Variants in OR51T1 observed in about 807,000 individuals in gnomAD.
The protein encoded by OR51T1 is olfactory receptor 51T1.
For missense variants in OR51T1, 439 were observed against 398.5 expected (o/e 1.10, Z -0.87); for synonymous variants, 188 against 152.6 (o/e 1.23, Z -1.71).
rs774525875 is a variant in OR51T1 at position 4,882,812 on chromosome 11, A to G, written c.913A>G (p.Met305Val). Reference sequence around the variant, plus strand: ...GAAGACCAAGACAATCCGCCAGGCTATGTTCCAGCTGCTCCAATCCAAGGG... The same window carrying G: ...GAAGACCAAGACAATCCGCCAGGCTGTGTTCCAGCTGCTCCAATCCAAGGG... ...SLKTKTIRQA[M>V]FQLLQSKGSW... Residue 305 changes from methionine to valine, a missense_variant, in exon 1 of 1, where the codon ATG becomes GTG. Met to Val is a conservative substitution (Grantham distance 21). Transcript: ENST00000322049. 10 of 1,613,676 alleles carry G rather than the reference A, an allele frequency of 6.2e-6. No homozygotes were observed. Among genetic ancestry groups the G allele is most frequent in the African/African-American group, 4.0e-5 (3 of 74,878 alleles).
rs765400845 is a variant in OR51T1, at chr11:4,882,145, T to G, written c.246T>G (p.Thr82=). 31 of 1,613,872 alleles carry G rather than the reference T, an allele frequency of 1.9e-5. No individual in the cohort carries two copies. The African/African-American group carries it at 4.1e-4, about 22-fold the overall frequency. The change falls in exon 1 of 1, where the codon ACT becomes ACG. Residue 82 remains threonine, a synonymous_variant. Transcript: ENST00000322049. The part of the protein sequence containing the change: ...DLCLTITTLP[T]VLGVLWFHAR... Reference sequence around the variant, plus strand: ...GTCTGACCATTACGACCCTTCCCACTGTGCTTGGTGTTCTCTGGTTTCATG... The same window carrying G: ...GTCTGACCATTACGACCCTTCCCACGGTGCTTGGTGTTCTCTGGTTTCATG...
Position 4,882,628 on chromosome 11 carries a change from T to C in OR51T1, c.729T>C (p.Cys243=). Residue 243 remains cysteine (C), a synonymous_variant, in exon 1 of 1, where the codon TGT becomes TGC. Coordinates refer to ENST00000322049, the MANE Select transcript of OR51T1 (RefSeq NM_001004759.3). The part of the protein sequence containing the change: ...RKKQQKALST[C]VCHICAVTIF... ...AGCAACAAAAAGCTCTCAGCACTTG[T>C]GTCTGTCACATCTGTGCAGTCACTA... is the stretch of plus-strand genomic sequence containing the variant. 1.9e-6 allele frequency: 3 copies of C among 1,613,962 alleles called. No homozygotes were observed. The highest frequency in any genetic ancestry group is 2.5e-6 in the Non-Finnish European group (3 of 1,179,948).
chr11:4,882,411 A>G lies in OR51T1; in HGVS notation c.512A>G (p.His171Arg). The G allele has an allele frequency of 6.2e-7, 1 of 1,613,782 alleles. No individual in the cohort carries two copies. The highest frequency in any genetic ancestry group is 2.2e-5 in the East Asian group (1 of 44,854). ...GTAGCCATAAACACTGTGTCTTTTC[A>G]TGGGGGTCACGAGCTTTCCCATCCA... ...LLVAINTVSF[H>R]GGHELSHPFC... The change falls in exon 1 of 1, where the codon CAT (histidine) becomes CGT (arginine). Residue 171 changes from histidine (H) to arginine (R), a missense_variant. Transcript: ENST00000322049.
chr11:4,882,859 G>A lies in OR51T1; in HGVS notation c.960G>A (p.Arg320=). The A allele has an allele frequency of 1.2e-6, 2 of 1,612,882 alleles. No homozygotes were observed. Among genetic ancestry groups the A allele is most frequent in the East Asian group, 2.2e-5 (1 of 44,812 alleles). ...AGGGTTCATGGGGTTTTAATGTGAGGGGTCTTAGGGGAAGATGGGATTGAA... is the reference window on the plus strand; with the variant it reads ...AGGGTTCATGGGGTTTTAATGTGAGAGGTCTTAGGGGAAGATGGGATTGAA... ...QSKGSWGFNV[R]GLRGRWD is the part of the protein sequence containing the mutation. Residue 320 remains arginine, a synonymous_variant, in exon 1 of 1, where the codon AGG becomes AGA. Transcript: ENST00000322049.
rs142859984 is a variant in OR51T1 at position 4,882,792 on chromosome 11, C to T, written c.893C>T (p.Thr298Ile). Residue 298 changes from threonine (T) to isoleucine (I), a missense_variant, in exon 1 of 1, where the codon ACC becomes ATC. Thr to Ile is a moderately conservative substitution (Grantham distance 89, BLOSUM62 -1). Coordinates refer to ENST00000322049, the MANE Select transcript of OR51T1 (RefSeq NM_001004759.3). Reference protein sequence around the residue: ...VLNPIIYSLKTKTIRQAMFQL... With the variant: ...VLNPIIYSLKIKTIRQAMFQL... ...AACCCTATCATTTACAGCTTGAAGA[C>T]CAAGACAATCCGCCAGGCTATGTTC... The T allele has an allele frequency of 2.5e-5, 41 of 1,613,736 alleles. No homozygotes were observed. The highest frequency in any genetic ancestry group is 3.3e-5 in the Non-Finnish European group (39 of 1,179,900).
rs1251151583 is a variant in OR51T1, at chr11:4,882,550, T to C, written c.651T>C (p.Leu217=). The change falls in exon 1 of 1, where the codon CTT becomes CTC. Residue 217 remains leucine (L), a synonymous_variant. Coordinates refer to ENST00000322049, the MANE Select transcript of OR51T1 (RefSeq NM_001004759.3). ...YLNGTDVLFI[L]FSYVLILRTV... is the part of the protein sequence containing the mutation. ...ATGGCACTGACGTATTGTTTATTCTTTTCTCCTATGTCCTGATCCTCCGTA... is the reference window on the plus strand; with the variant it reads ...ATGGCACTGACGTATTGTTTATTCTCTTCTCCTATGTCCTGATCCTCCGTA... 2 of 1,613,930 alleles carry C rather than the reference T, an allele frequency of 1.2e-6. No individual in the cohort carries two copies. Among genetic ancestry groups the C allele is most frequent in the East Asian group, 4.5e-5 (2 of 44,832 alleles).
Position 4,881,989 on chromosome 11 carries a change from C to A in OR51T1, c.90C>A (p.Ser30=), listed in dbSNP as rs777346284. The part of the protein sequence containing the change: ...PGLECAHVWI[S]IPVCCLYTIA... ...TGGAATGTGCTCATGTCTGGATCTC[C>A]ATTCCAGTCTGCTGTCTCTACACCA... is the stretch of plus-strand genomic sequence containing the variant. Residue 30 remains serine, a synonymous_variant, in exon 1 of 1, where the codon TCC becomes TCA. Coordinates refer to ENST00000322049, the MANE Select transcript of OR51T1 (RefSeq NM_001004759.3). 14 of 1,613,892 alleles carry A rather than the reference C, an allele frequency of 8.7e-6. No individual in the cohort carries two copies. The highest frequency in any genetic ancestry group is 1.2e-5 in the Non-Finnish European group (14 of 1,179,930).
chr11:4,882,391 C>A lies in OR51T1; in HGVS notation c.492C>A (p.Ala164=). The A allele has an allele frequency of 1.9e-6, 3 of 1,613,916 alleles. No individual in the cohort carries two copies. Among genetic ancestry groups the A allele is most frequent in the Non-Finnish European group, 2.5e-6 (3 of 1,179,926 alleles). The change falls in exon 1 of 1, where the codon GCC becomes GCA. Residue 164 remains alanine (A), a synonymous_variant. Transcript: ENST00000322049. ...PAVFLLPLLV[A]INTVSFHGGH... is the part of the protein sequence containing the mutation. ...TTTTCTTACTTCCCCTTCTTGTAGC[C>A]ATAAACACTGTGTCTTTTCATGGGG...
In OR51T1 at chr11:4,882,000, G is replaced by A. The variant is rs146802719; in HGVS notation, c.101G>A (p.Cys34Tyr). Residue 34 changes from cysteine (C) to tyrosine (Y), a missense_variant, in exon 1 of 1, where the codon TGC becomes TAC. Coordinates refer to ENST00000322049, the MANE Select transcript of OR51T1 (RefSeq NM_001004759.3). Reference protein sequence around the residue: ...CAHVWISIPVCCLYTIALLGN... With the variant: ...CAHVWISIPVYCLYTIALLGN... ...CATGTCTGGATCTCCATTCCAGTCTGCTGTCTCTACACCATTGCCCTCTTG... is the reference window on the plus strand; with the variant it reads ...CATGTCTGGATCTCCATTCCAGTCTACTGTCTCTACACCATTGCCCTCTTG... 8 of 1,613,694 alleles carry A rather than the reference G, an allele frequency of 5.0e-6. No individual in the cohort carries two copies. In the African/African-American group the frequency reaches 1.1e-4, roughly 22 times the overall value.
Position 4,882,240 on chromosome 11 carries a change from C to A in OR51T1, c.341C>A (p.Ser114Tyr). The change falls in exon 1 of 1, where the codon TCC (serine) becomes TAC (tyrosine). Residue 114 changes from serine (S) to tyrosine (Y), a missense_variant. By Grantham distance (144) the Ser-to-Tyr change is moderately radical. Coordinates refer to ENST00000322049, the MANE Select transcript of OR51T1 (RefSeq NM_001004759.3). The stretch of plus-strand genomic sequence containing the variant: ...GTGCATGCTTTCTCCTTGCTGGAGT[C>A]CTCGGTGCTGGTAGCCATGGCCTTT... ...FFVHAFSLLESSVLVAMAFDR... is the reference protein window; with the variant it reads ...FFVHAFSLLEYSVLVAMAFDR... 1 of 1,613,956 alleles carries A rather than the reference C, an allele frequency of 6.2e-7. No individual in the cohort carries two copies. The highest frequency in any genetic ancestry group is 8.5e-7 in the Non-Finnish European group (1 of 1,179,952).
chr11:4,881,956 C>T lies in OR51T1; in HGVS notation c.57C>T (p.Phe19=), dbSNP rs1040670724. The change falls in exon 1 of 1, where the codon TTC becomes TTT. Residue 19 remains phenylalanine (F), a synonymous_variant. Coordinates refer to ENST00000322049, the MANE Select transcript of OR51T1 (RefSeq NM_001004759.3). Reference sequence around the variant, plus strand: ...CCTCAAACTTCCTCCTCACTGCATTCCCTGGGCTGGAATGTGCTCATGTCT... The same window carrying T: ...CCTCAAACTTCCTCCTCACTGCATTTCCTGGGCTGGAATGTGCTCATGTCT... ...SSSSNFLLTA[F]PGLECAHVWI... 3 of 1,613,906 alleles carry T rather than the reference C, an allele frequency of 1.9e-6. No homozygotes were observed. The highest frequency in any genetic ancestry group is 1.7e-5 in the Admixed American group (1 of 59,988).
Position 4,881,919 on chromosome 11 carries a change from C to G in OR51T1, c.20C>G (p.Thr7Ser). MAIFNN[T>S]TSSSSNFLLT... is the part of the protein sequence containing the mutation. ...CCAACCATGGCAATATTCAATAACA[C>G]CACTTCGTCTTCCTCAAACTTCCTC... The change falls in exon 1 of 1, where the codon ACC becomes AGC. Residue 7 changes from threonine to serine, a missense_variant. By Grantham distance (58) the Thr-to-Ser change is moderately conservative (BLOSUM62 1). Transcript: ENST00000322049. The G allele has an allele frequency of 6.2e-7, 1 of 1,612,790 alleles. No individual in the cohort carries two copies. Among genetic ancestry groups the G allele is most frequent in the Non-Finnish European group, 8.5e-7 (1 of 1,178,856 alleles).
Position 4,882,689 on chromosome 11 carries a change from C to T in OR51T1, c.790C>T (p.His264Tyr). 6.2e-7 allele frequency: 1 copy of T among 1,613,978 alleles called. No individual in the cohort carries two copies. Among genetic ancestry groups the T allele is most frequent in the Non-Finnish European group, 8.5e-7 (1 of 1,179,938 alleles). ...YVPLISLSLA[H>Y]RLFHSTPRVL... Reference sequence around the variant, plus strand: ...GCCACTGATCAGCCTCTCTTTGGCACACCGCCTCTTCCACTCCACCCCAAG... The same window carrying T: ...GCCACTGATCAGCCTCTCTTTGGCATACCGCCTCTTCCACTCCACCCCAAG... The change falls in exon 1 of 1, where the codon CAC becomes TAC. Residue 264 changes from histidine (H) to tyrosine (Y), a missense_variant. Coordinates refer to ENST00000322049, the MANE Select transcript of OR51T1 (RefSeq NM_001004759.3).
At position 4,882,432 on chromosome 11, in the gene OR51T1, A is replaced by T. The variant is rs762533664; in HGVS notation, c.533A>T (p.His178Leu). 6.2e-7 allele frequency: 1 copy of T among 1,611,802 alleles called. No individual in the cohort carries two copies. Among genetic ancestry groups the T allele is most frequent in the African/African-American group, 1.3e-5 (1 of 74,792 alleles). Residue 178 changes from histidine (H) to leucine (L), a missense_variant, in exon 1 of 1, where the codon CAT becomes CTT. Physicochemically the swap from His to Leu is moderately conservative, Grantham distance 99 (BLOSUM62 -3). Coordinates refer to ENST00000322049, the MANE Select transcript of OR51T1 (RefSeq NM_001004759.3). ...VSFHGGHELS[H>L]PFCYHPEVIK... ...TTTCATGGGGGTCACGAGCTTTCCC[A>T]TCCATTTTGCTACCACCCAGAAGTG...
rs1850485515 is a variant in OR51T1, at chr11:4,882,443, T to A, written c.544T>A (p.Tyr182Asn). The change falls in exon 1 of 1, where the codon TAC becomes AAC. Residue 182 changes from tyrosine to asparagine, a missense_variant. Physicochemically the swap from Tyr to Asn is moderately radical, Grantham distance 143. Transcript: ENST00000322049. ...TCACGAGCTTTCCCATCCATTTTGC[T>A]ACCACCCAGAAGTGATCAAATACAC... The part of the protein sequence containing the change: ...GGHELSHPFC[Y>N]HPEVIKYTYS... The A allele has an allele frequency of 1.2e-6, 2 of 1,613,924 alleles. No individual in the cohort carries two copies. Among genetic ancestry groups the A allele is most frequent in the African/African-American group, 1.3e-5 (1 of 75,012 alleles).
In OR51T1 at chr11:4,882,320, A is replaced by AGT. The variant is rs772937040; in HGVS notation, c.422_423insTG (p.Arg141SerfsTer6). 1 of 1,613,962 alleles carries AGT rather than the reference A, an allele frequency of 6.2e-7. No homozygotes were observed. Among genetic ancestry groups the AGT allele is most frequent in the South Asian group, 1.1e-5 (1 of 91,070 alleles). On this transcript the variant is annotated frameshift_variant, in exon 1 of 1. Coordinates refer to ENST00000322049, the MANE Select transcript of OR51T1 (RefSeq NM_001004759.3). LOFTEE classifies it low-confidence loss of function (END_TRUNC). ...GAACTATGCTACTATCCTCACAGAC[A>AGT]GGATGGTCCTGGTGATAGGGCTGGT...
Position 4,881,960 on chromosome 11 carries a change from G to A in OR51T1, c.61G>A (p.Gly21Arg). ...SSNFLLTAFP[G>R]LECAHVWISI... ...AAACTTCCTCCTCACTGCATTCCCT[G>A]GGCTGGAATGTGCTCATGTCTGGAT... The change falls in exon 1 of 1, where the codon GGG (glycine) becomes AGG (arginine). Residue 21 changes from glycine to arginine, a missense_variant. By Grantham distance (125) the Gly-to-Arg change is moderately radical (BLOSUM62 -2). Transcript: ENST00000322049. 6.2e-7 allele frequency: 1 copy of A among 1,613,752 alleles called. No homozygotes were observed. Among genetic ancestry groups the A allele is most frequent in the Non-Finnish European group, 8.5e-7 (1 of 1,179,832 alleles).
In OR51T1 at chr11:4,882,029, A is replaced by G. The variant is rs1170378220; in HGVS notation, c.130A>G (p.Asn44Asp). Residue 44 changes from asparagine (N) to aspartate (D), a missense_variant, in exon 1 of 1, where the codon AAC (asparagine) becomes GAC (aspartate). Transcript: ENST00000322049. ...TCTCTACACCATTGCCCTCTTGGGA[A>G]ACAGTATGATCTTTCTTGTCATCAT... ...CCLYTIALLGNSMIFLVIITK... is the reference protein window; with the variant it reads ...CCLYTIALLGDSMIFLVIITK... 1 of 1,613,748 alleles carries G rather than the reference A, an allele frequency of 6.2e-7. No homozygotes were observed. Among genetic ancestry groups the G allele is most frequent in the Non-Finnish European group, 8.5e-7 (1 of 1,179,912 alleles).
chr11:4,882,360 CA>C lies in OR51T1; in HGVS notation c.462del (p.Ala155GlnfsTer9). On this transcript the variant is annotated frameshift_variant, in exon 1 of 1. Coordinates refer to ENST00000322049, the MANE Select transcript of OR51T1 (RefSeq NM_001004759.3). LOFTEE classifies it low-confidence loss of function (END_TRUNC). The part of the protein sequence containing the change: ...LVIGLVICIR[P>X]AVFLLPLLVA... ...ATAGGGCTGGTCATCTGCATTAGACCAGCAGTTTTCTTACTTCCCCTTCTTG... is the reference window on the plus strand; with the variant it reads ...ATAGGGCTGGTCATCTGCATTAGACCGCAGTTTTCTTACTTCCCCTTCTTG... The C allele has an allele frequency of 6.2e-7, 1 of 1,613,852 alleles. No individual in the cohort carries two copies. Among genetic ancestry groups the C allele is most frequent in the African/African-American group, 1.3e-5 (1 of 74,980 alleles).
Sources: allele counts gnomAD v4.1 joint callset, GRCh38; gene constraint gnomAD v4.1.1; transcripts MANE v1.5; gene names NCBI Gene and HGNC (gene_info 2026-07-23, HGNC 2026-07-21).